The following EPHA6 variants were observed in gnomAD, a reference collection of about 807,000 sequenced individuals.
EPHA6 encodes the protein ephrin type-A receptor 6.
EPHA6 carries 50 observed loss-of-function variants against 112.0 expected under a neutral mutation model. That is an observed-to-expected ratio of 0.45 (90% CI 0.36 to 0.56). The LOEUF is 0.56. EPHA6 is among the 20% of genes least tolerant of loss of function. The pLI, the probability that EPHA6 is intolerant of heterozygous loss-of-function variation, is 0.00. For missense variants in EPHA6, 1,280 were observed against 1,417.4 expected (o/e 0.90, Z 1.56); for synonymous variants, 529 against 490.7 (o/e 1.08, Z -1.03).
chr3:97,083,411 G>A (rs1347429579), intron 3 of EPHA6, among the ~76,000 whole-genome samples: 2 of 151,844 alleles, frequency 1.3e-5, no homozygotes, highest in Non-Finnish European at 2.9e-5. Context: ...ACGCTCTTTG[G>A]TATTTGCTTT....
intron 7 of EPHA6, among the ~76,000 whole-genome samples, chr3:97,449,185 A>G (rs2090445885): frequency 6.6e-6 from 1 of 152,162 alleles, no homozygotes; most frequent in Admixed American, 6.6e-5. Flanking sequence ...CATGGGCTTC[A>G]TCAGAAACCC....
chr3:97,055,015 G>A (rs530540875), intron 3 of EPHA6, among the ~76,000 whole-genome samples: 9 of 151,834 alleles, frequency 5.9e-5, no homozygotes, highest in Admixed American at 1.3e-4. Context: ...CTCCTGATTC[G>A]TAGTAGTGGA....
At chr3:97,205,989 A>G (rs796815400) in intron 3 of EPHA6, among the ~76,000 whole-genome samples, 21 of 152,254 alleles carry the variant, frequency 1.4e-4, no homozygotes, top group African/African-American at 4.8e-4. Context: ...ATAGGATTTG[A>G]ATGTAAGGCT....
At chr3:96,910,703 G>A (rs1025750286) in intron 2 of EPHA6, among the ~76,000 whole-genome samples, 1 of 151,980 alleles carries the variant, frequency 6.6e-6, no homozygotes, top group Non-Finnish European at 1.5e-5. Flanking sequence ...GGTGAGCAAA[G>A]GATTGAGTAG....
At chr3:96,920,050 T>C (rs978216623) in intron 2 of EPHA6, among the ~76,000 whole-genome samples, 20 of 152,000 alleles carry the variant, frequency 1.3e-4, no homozygotes, top group Non-Finnish European at 2.8e-4. Context: ...TAAAGACTAC[T>C]GAAAATACTT....
intron 10 of EPHA6, among the ~76,000 whole-genome samples, chr3:97,529,262 T>C (rs952579866): frequency 1.3e-5 from 2 of 152,106 alleles, no homozygotes; most frequent in Non-Finnish European, 2.9e-5. Context: ...TGTTAGGTAC[T>C]TTACTTAGCT....
intron 7 of EPHA6, among the ~76,000 whole-genome samples, chr3:97,474,626 A>T (rs1430259758): frequency 6.6e-6 from 1 of 152,002 alleles, no homozygotes; most frequent in African/African-American, 2.4e-5. Context: ...TAGAAGTGCT[A>T]ATAAATTAAT....
At chr3:97,476,055 T>C (rs1268840070) in intron 8 of EPHA6, among the ~76,000 whole-genome samples, 2 of 152,154 alleles carry the variant, frequency 1.3e-5, no homozygotes, top group African/African-American at 2.4e-5. Flanking sequence ...TACAAAAGTA[T>C]ATTAAAACCA....
At chr3:97,152,006 A>G (rs1332396706) in intron 3 of EPHA6, among the ~76,000 whole-genome samples, 1 of 152,006 alleles carries the variant, frequency 6.6e-6, no homozygotes. Flanking sequence ...TAACTTCAAG[A>G]GGTAGATATT....
chr3:96,888,831 G>A lies in EPHA6; in HGVS notation c.450+21942G>A, dbSNP rs146515788. ...TTATGCAAATTTCTACAGCTGGCTTGGATTTCTCCTCAGAAAACAGGATTT... is the reference window on the plus strand; with the variant it reads ...TTATGCAAATTTCTACAGCTGGCTTAGATTTCTCCTCAGAAAACAGGATTT... On this transcript the variant is annotated intron_variant, in intron 2 of 17. Transcript: ENST00000389672. Among the ~76,000 whole-genome samples, 1,084 of 152,282 alleles carry A rather than the reference G, an allele frequency of 7.1e-3. 12 individuals carry two copies. The highest frequency in any genetic ancestry group is 0.012 in the Non-Finnish European group (825 of 68,024).
chr3:97,327,665 T>G (rs182010658), intron 5 of EPHA6, among the ~76,000 whole-genome samples: 1 of 151,988 alleles, frequency 6.6e-6, no homozygotes, highest in African/African-American at 2.4e-5. Context: ...AACATTAAAT[T>G]CTCTTCCATT....
chr3:97,693,843 T>G (rs2032840210), intron 14 of EPHA6, among the ~76,000 whole-genome samples: 1 of 152,062 alleles, frequency 6.6e-6, no homozygotes, highest in Non-Finnish European at 1.5e-5. Context: ...AGACTATTGT[T>G]TAGCAAGGTT....
intron 3 of EPHA6, among the ~76,000 whole-genome samples, chr3:97,001,018 A>G (rs2043636427): frequency 8.9e-6 from 1 of 112,760 alleles, no homozygotes; most frequent in Non-Finnish European, 1.9e-5. Flanking sequence ...TCAGAAATTG[A>G]TATATATATA....
intron 14 of EPHA6, among the ~76,000 whole-genome samples, chr3:97,690,053 TCTGTTTTTTGG>T (rs2032550284): frequency 6.6e-6 from 1 of 152,244 alleles, no homozygotes; most frequent in African/African-American, 2.4e-5. Context: ...TTGGGTTGTT[TCTGTTTTTTGG>T]CTGTTATGGA....
chr3:97,237,182 A>ATT (rs5851056), intron 4 of EPHA6, among the ~76,000 whole-genome samples: 1 of 144,536 alleles, frequency 6.9e-6, no homozygotes, highest in East Asian at 2.0e-4. Context: ...TTTGTTTTTG[A>ATT]TTTTTTTTTT....
rs375261130 is a variant in EPHA6 at position 97,476,440 on chromosome 3, T to C, written c.2003+980T>C. Among the ~76,000 whole-genome samples, 14 of 152,186 alleles carry C rather than the reference T, an allele frequency of 9.2e-5. No individual in the cohort carries two copies. In the East Asian group the frequency reaches 1.9e-3, roughly 21 times the overall value. On this transcript the variant is annotated intron_variant, in intron 8 of 17. Transcript: ENST00000389672. Reference sequence around the variant, plus strand: ...AGTACACCAACCCTGCCAGAAAACATTGGTACGTCAGAAAGAGCAGAAATA... The same window carrying C: ...AGTACACCAACCCTGCCAGAAAACACTGGTACGTCAGAAAGAGCAGAAATA...
At chr3:97,661,816 A>G (rs2094171430) in intron 14 of EPHA6, among the ~76,000 whole-genome samples, 1 of 152,136 alleles carries the variant, frequency 6.6e-6, no homozygotes, top group Non-Finnish European at 1.5e-5. Context: ...AATGTATACA[A>G]GCTTGAGGGT....
intron 3 of EPHA6, among the ~76,000 whole-genome samples, chr3:97,062,485 G>C (rs2046052746): frequency 6.6e-6 from 1 of 152,094 alleles, no homozygotes; most frequent in Non-Finnish European, 1.5e-5. Flanking sequence ...AAATTTACAA[G>C]AAAAAAGCCA....
chr3:97,341,148 T>C (rs1577030525), intron 5 of EPHA6, among the ~76,000 whole-genome samples: 1 of 152,136 alleles, frequency 6.6e-6, no homozygotes, highest in Admixed American at 6.5e-5. Context: ...GGAATCTGCC[T>C]TCATTAGCAA....
Sources: allele counts gnomAD v4.1 joint callset (sites outside exome capture counted in the v4.1 genomes callset), GRCh38; gene constraint gnomAD v4.1.1; transcripts MANE v1.5; gene names NCBI Gene and HGNC (gene_info 2026-07-23, HGNC 2026-07-21).